Variants in TEX26 observed in about 807,000 individuals in gnomAD.
The protein encoded by TEX26 is testis-expressed protein 26.
TEX26 carries 34 observed loss-of-function variants against 35.3 expected under a neutral mutation model. That is an observed-to-expected ratio of 0.96 (90% CI 0.73 to 1.28). The LOEUF (loss-of-function observed/expected upper bound fraction) is 1.28, where lower values mean the gene tolerates loss of function less well. Ranked by LOEUF, TEX26 falls within the 50% of genes most tolerant of loss-of-function variation. The probability of loss-of-function intolerance (pLI) is 0.00; values close to 1 mark genes in which losing one functional copy is unlikely to be tolerated. For missense variants in TEX26, 371 were observed against 330.1 expected (o/e 1.12, Z -0.96); for synonymous variants, 136 against 111.8 (o/e 1.22, Z -1.36).
chr13:30,955,351 A>C (rs915340879), intron 3 of TEX26, among the ~76,000 whole-genome samples: 1 of 152,254 alleles, frequency 6.6e-6, no homozygotes, highest in Admixed American at 6.5e-5. Flanking sequence ...CAGGGGACAG[A>C]GGAACTTGTT....
At chr13:30,937,401 T>A (rs927493316) in intron 1 of TEX26, among the ~76,000 whole-genome samples, 1 of 152,072 alleles carries the variant, frequency 6.6e-6, no homozygotes, top group East Asian at 1.9e-4. Context: ...ACTGTTAGAG[T>A]TGTTTGCCTT....
rs150406744 is a variant in TEX26, at chr13:30,966,340, A to T, written c.588A>T (p.Gln196His). ...TTCCAGCTAAAATTCCTGAGCTTCA[A>T]GATTTCAGTTTCAAATATGGATGCT... ...YQIPAKIPEL[Q>H]DFSFKYGCYS... is the part of the protein sequence containing the mutation. The change falls in exon 5 of 7, where the codon CAA becomes CAT. Residue 196 changes from glutamine (Q) to histidine (H), a missense_variant. Physicochemically the swap from Gln to His is conservative, Grantham distance 24. Coordinates refer to ENST00000380473, the MANE Select transcript of TEX26 (RefSeq NM_152325.3). The T allele has an allele frequency of 8.1e-6, 13 of 1,614,042 alleles. No individual in the cohort carries two copies. The African/African-American group carries it at 1.5e-4, about 18-fold the overall frequency.
intron 1 of TEX26, 78 bp from the exon 2 acceptor site, chr13:30,939,616 T>C (rs561547930): frequency 1.5e-6 from 2 of 1,334,696 alleles, no homozygotes; most frequent in South Asian, 2.5e-5. Flanking sequence ...TCTTGCAAAA[T>C]TATCTTAATT....
intron 3 of TEX26, among the ~76,000 whole-genome samples, chr13:30,953,874 T>C (rs1954023066): frequency 6.6e-6 from 1 of 152,202 alleles, no homozygotes; most frequent in East Asian, 1.9e-4. Flanking sequence ...TGGAGCCACC[T>C]TGATGCATTC....
chr13:30,932,880 C>T, intron 1 of TEX26, 104 bp downstream of exon 1: 2 of 1,310,922 alleles, frequency 1.5e-6, no homozygotes, highest in African/African-American at 1.5e-5. Context: ...GGTGTGGCAT[C>T]GCTCTTAGGA....
Position 30,974,951 on chromosome 13 carries a change from A to C in TEX26, c.*44A>C, listed in dbSNP as rs760999268. On this transcript the variant is annotated 3_prime_UTR_variant, in exon 7 of 7. Coordinates refer to ENST00000380473, the MANE Select transcript of TEX26 (RefSeq NM_152325.3). ...ATGAAGAAAATCTGAAAATCAATGG[A>C]AGCACGAGGACATTCCTAGTCATTT... is the stretch of plus-strand genomic sequence containing the variant. The C allele has an allele frequency of 2.6e-5, 35 of 1,327,092 alleles. No homozygotes were observed. Among genetic ancestry groups the C allele is most frequent in the African/African-American group, 4.5e-5 (3 of 66,320 alleles). 82.2% of individuals were successfully genotyped at this position (1,327,092 alleles called of 1,614,324 possible).
intron 6 of TEX26, among the ~76,000 whole-genome samples, chr13:30,971,696 A>G (rs1954716444): frequency 6.6e-6 from 1 of 152,238 alleles, no homozygotes; most frequent in African/African-American, 2.4e-5. Flanking sequence ...AGGTTGAACT[A>G]GTTATCTTTA....
chr13:30,969,861 T>C, intron 6 of TEX26, among the ~76,000 whole-genome samples: 1 of 152,136 alleles, frequency 6.6e-6, no homozygotes, highest in African/African-American at 2.4e-5. Context: ...AATAAAAGTC[T>C]AATATTTATT....
At chr13:30,948,526 C>T (rs1391252534) in intron 2 of TEX26, among the ~76,000 whole-genome samples, 1 of 152,172 alleles carries the variant, frequency 6.6e-6, no homozygotes, top group Non-Finnish European at 1.5e-5. Context: ...TTTTTGGTCG[C>T]ATAAATCTCT....
intron 4 of TEX26, 56 bp downstream of exon 4, chr13:30,957,085 C>T: frequency 6.5e-7 from 1 of 1,542,178 alleles, no homozygotes. Context: ...CCTGGAGTTG[C>T]AGTGGTCGGC....
chr13:30,942,713 T>C (rs774002952), intron 2 of TEX26, among the ~76,000 whole-genome samples: 1 of 152,064 alleles, frequency 6.6e-6, no homozygotes, highest in South Asian at 2.1e-4. Flanking sequence ...CTAGCCAATT[T>C]TCCCGGCACC....
chr13:30,969,965 A>G (rs1192851238), intron 6 of TEX26, among the ~76,000 whole-genome samples: 2 of 151,956 alleles, frequency 1.3e-5, no homozygotes, highest in Non-Finnish European at 2.9e-5. Flanking sequence ...TGAGGTTGGG[A>G]CTTCCACTGG....
At chr13:30,942,873 G>T (rs1431377531) in intron 2 of TEX26, among the ~76,000 whole-genome samples, 4 of 152,048 alleles carry the variant, frequency 2.6e-5, no homozygotes, top group Admixed American at 6.6e-5. Context: ...CCAGTACCAT[G>T]CTCTTTTGGT....
chr13:30,954,436 C>G (rs918671171), intron 3 of TEX26, among the ~76,000 whole-genome samples: 5 of 148,782 alleles, frequency 3.4e-5, no homozygotes, highest in East Asian at 3.9e-4. Context: ...AAATATGTCT[C>G]TAACATATGT....
chr13:30,965,409 T>C (rs1050283493), intron 4 of TEX26, among the ~76,000 whole-genome samples: 1 of 152,230 alleles, frequency 6.6e-6, no homozygotes, highest in Non-Finnish European at 1.5e-5. Flanking sequence ...TTGAGTTCAG[T>C]GTCAATAGTA....
chr13:30,969,063 T>C lies in TEX26; in HGVS notation c.808+17T>C. 1.9e-6 allele frequency: 3 copies of C among 1,606,040 alleles called. No individual in the cohort carries two copies. The highest frequency in any genetic ancestry group is 2.6e-6 in the Non-Finnish European group (3 of 1,175,924). ...CCTACAAAGGTAAGATGAGGTCTTA[T>C]TTCACACACTTACAGATCACAATAC... On this transcript the variant is annotated intron_variant, in intron 6 of 6. Coordinates refer to ENST00000380473, the MANE Select transcript of TEX26 (RefSeq NM_152325.3).
At chr13:30,974,056 G>A (rs1270401009) in intron 6 of TEX26, among the ~76,000 whole-genome samples, 1 of 148,852 alleles carries the variant, frequency 6.7e-6, no homozygotes, top group Admixed American at 6.7e-5. Context: ...GGGAGGCAGA[G>A]GTTGCAGTGA....
chr13:30,936,405 T>C lies in TEX26; in HGVS notation c.62-3289T>C, dbSNP rs558909104. 6.6e-5 allele frequency among the ~76,000 whole-genome samples: 10 copies of C among 152,356 alleles called. No homozygotes were observed. In the East Asian group the frequency reaches 1.3e-3, roughly 21 times the overall value. ...TGTTGTGTCTCATCTCAGACTCTCA[T>C]ACCTCATGCTACTTCCTCTGTAAAT... On this transcript the variant is annotated intron_variant, in intron 1 of 6. Transcript: ENST00000380473.
At chr13:30,963,054 T>C (rs927235737) in intron 4 of TEX26, among the ~76,000 whole-genome samples, 4 of 151,880 alleles carry the variant, frequency 2.6e-5, no homozygotes, top group Non-Finnish European at 5.9e-5. Flanking sequence ...GGTCTCAATC[T>C]CCCGACCTCG....
Sources: allele counts gnomAD v4.1 joint callset (sites outside exome capture counted in the v4.1 genomes callset), GRCh38; gene constraint gnomAD v4.1.1; transcripts MANE v1.5; gene names NCBI Gene and HGNC (gene_info 2026-07-23, HGNC 2026-07-21).